ASIC2: variants seen among roughly 807,000 people sequenced by gnomAD.
ASIC2 encodes the protein acid sensing ion channel subunit 2.
A neutral mutation model predicts 57.3 loss-of-function variants in ASIC2; 25 were observed. The observed-to-expected ratio is 0.44, with a 90% confidence interval of 0.32 to 0.61. The LOEUF is 0.61. Ranked by LOEUF, ASIC2 falls within the 20% of genes least tolerant of loss-of-function variation. ASIC2 has a pLI of 0.06. For synonymous variants in ASIC2, 319 were observed against 307.5 expected (o/e 1.04, Z -0.39); for missense variants, 641 against 738.1 (o/e 0.87, Z 1.52).
At chr17:33,738,345 C>T (rs1296713577) in intron 1 of ASIC2, among the ~76,000 whole-genome samples, 3 of 152,212 alleles carry the variant, frequency 2.0e-5, no homozygotes, top group East Asian at 1.9e-4. Flanking sequence ...ATCCTTCCCC[C>T]AGACCTTCAG....
chr17:33,926,761 T>C (rs1597933332), intron 1 of ASIC2, among the ~76,000 whole-genome samples: 1 of 152,204 alleles, frequency 6.6e-6, no homozygotes, highest in East Asian at 1.9e-4. Context: ...ATCACCAGAA[T>C]ACCTGTATCT....
intron 1 of ASIC2, among the ~76,000 whole-genome samples, chr17:34,026,569 A>G (rs969699623): frequency 2.6e-5 from 4 of 152,190 alleles, no homozygotes; most frequent in African/African-American, 9.6e-5. Context: ...TGCTAACTCA[A>G]TAAAAGTGGT....
intron 1 of ASIC2, among the ~76,000 whole-genome samples, chr17:34,016,578 A>G (rs1268569340): frequency 2.6e-5 from 4 of 152,216 alleles, no homozygotes; most frequent in Admixed American, 6.5e-5. Context: ...GCAAAACAGT[A>G]TATTTAATAC....
intron 1 of ASIC2, among the ~76,000 whole-genome samples, chr17:33,320,481 G>A (rs1357303126): frequency 1.3e-5 from 2 of 152,200 alleles, no homozygotes; most frequent in Non-Finnish European, 1.5e-5. Flanking sequence ...TAGGGAAGGT[G>A]GTGGGATTGC....
At chr17:33,608,554 C>T (rs1440419476) in intron 1 of ASIC2, among the ~76,000 whole-genome samples, 4 of 148,760 alleles carry the variant, frequency 2.7e-5, no homozygotes, top group Non-Finnish European at 6.0e-5. Context: ...GAATTGCCTT[C>T]CTCCCAGGAT....
In ASIC2 at chr17:33,036,225, A is replaced by G. The variant is rs188231437; in HGVS notation, c.988-7833T>C. ...TTTTTAGGTAGATGTTCCTATTATC[A>G]TGTTATTGATGAGGAAACTGAGTTT... On this transcript the variant is annotated intron_variant, in intron 3 of 9. Transcript: ENST00000225823. 5.7e-4 allele frequency among the ~76,000 whole-genome samples: 86 copies of G among 152,156 alleles called. 1 individual carries two copies. In the East Asian group the frequency reaches 0.013, roughly 23 times the overall value.
intron 1 of ASIC2, among the ~76,000 whole-genome samples, chr17:34,085,681 G>A (rs1446312482): frequency 1.3e-5 from 2 of 152,004 alleles, no homozygotes; most frequent in Non-Finnish European, 2.9e-5. Context: ...ACTCTTTTTG[G>A]TTGGTAAGCT....
intron 1 of ASIC2, among the ~76,000 whole-genome samples, chr17:33,730,769 G>C (rs935699971): frequency 1.3e-5 from 2 of 152,180 alleles, no homozygotes; most frequent in African/African-American, 4.8e-5. Flanking sequence ...CTTTATCTGT[G>C]TGTATCTTGC....
At chr17:33,493,851 G>A (rs1241206734) in intron 1 of ASIC2, among the ~76,000 whole-genome samples, 3 of 152,166 alleles carry the variant, frequency 2.0e-5, no homozygotes, top group African/African-American at 4.8e-5. Flanking sequence ...GTCGCTCCAG[G>A]ATTGGGTTTA....
At chr17:33,618,316 G>A (rs1469138098) in intron 1 of ASIC2, among the ~76,000 whole-genome samples, 2 of 151,946 alleles carry the variant, frequency 1.3e-5, no homozygotes, top group Admixed American at 6.6e-5. Context: ...AGCCTCCCAA[G>A]TAGCTGAGAC....
intron 1 of ASIC2, among the ~76,000 whole-genome samples, chr17:33,457,758 T>C (rs1328878170): frequency 6.6e-6 from 1 of 152,164 alleles, no homozygotes; most frequent in Non-Finnish European, 1.5e-5. Flanking sequence ...TTTGCATGCA[T>C]TGTCTTATTT....
intron 1 of ASIC2, among the ~76,000 whole-genome samples, chr17:33,863,071 C>G (rs934352299): frequency 6.6e-6 from 1 of 152,262 alleles, no homozygotes; most frequent in African/African-American, 2.4e-5. Context: ...GGCACCTGAA[C>G]AGCCCAGGAC....
At chr17:33,449,955 A>T (rs1186618813) in intron 1 of ASIC2, among the ~76,000 whole-genome samples, 2 of 152,058 alleles carry the variant, frequency 1.3e-5, no homozygotes, top group Non-Finnish European at 2.9e-5. Context: ...TTTAGTAGAG[A>T]TGGGGTTTCA....
At chr17:33,872,083 C>T (rs1332601561) in intron 1 of ASIC2, among the ~76,000 whole-genome samples, 3 of 152,316 alleles carry the variant, frequency 2.0e-5, no homozygotes, top group Admixed American at 6.5e-5. Flanking sequence ...AAGTGACTCG[C>T]CTGGACCAGC....
At chr17:33,208,371 G>A (rs1907148991) in intron 1 of ASIC2, among the ~76,000 whole-genome samples, 1 of 152,104 alleles carries the variant, frequency 6.6e-6, no homozygotes, top group Non-Finnish European at 1.5e-5. Context: ...TCCTTACTCA[G>A]GGCTTGCCAC....
intron 1 of ASIC2, among the ~76,000 whole-genome samples, chr17:33,630,670 G>GT (rs145906612): frequency 0.3 from 46,097 of 152,042 alleles, 7,176 homozygotes; most frequent in East Asian, 0.42. Context: ...TTCTGAGCCT[G>GT]TTTTCTCCTC....
At chr17:33,918,915 C>T (rs1443335308) in intron 1 of ASIC2, among the ~76,000 whole-genome samples, 1 of 152,146 alleles carries the variant, frequency 6.6e-6, no homozygotes, top group Non-Finnish European at 1.5e-5. Flanking sequence ...GACACTGGTG[C>T]TGAGTTAGCC....
intron 1 of ASIC2, among the ~76,000 whole-genome samples, chr17:33,118,975 C>G (rs2092291242): frequency 6.6e-6 from 1 of 152,070 alleles, no homozygotes; most frequent in South Asian, 2.1e-4. Context: ...CAAAGTGGAG[C>G]CCTTACTGAG....
At chr17:33,163,391 G>C (rs1338518850) in intron 1 of ASIC2, among the ~76,000 whole-genome samples, 1 of 151,944 alleles carries the variant, frequency 6.6e-6, no homozygotes, top group Admixed American at 6.6e-5. Context: ...CTCAGCATCT[G>C]CACCAGCCCC....
Sources: gnomAD v4.1 joint callset for allele counts (sites outside exome capture counted in the v4.1 genomes callset) on GRCh38, gnomAD v4.1.1 for gene constraint, MANE v1.5 for transcripts, NCBI Gene and HGNC (gene_info 2026-07-23, HGNC 2026-07-21) for gene names.